Variants in ATP8A2 observed in about 807,000 individuals in gnomAD.
ATP8A2 encodes phospholipid-transporting ATPase IB.
A neutral mutation model predicts 165.6 loss-of-function variants in ATP8A2; 100 were observed. The ratio of observed to expected loss-of-function variants is 0.60; its 90% CI spans 0.51 to 0.71. The LOEUF (loss-of-function observed/expected upper bound fraction) is 0.71, where lower values mean the gene tolerates loss of function less well. ATP8A2 is among the 30% of genes least tolerant of loss of function. ATP8A2 has a pLI of 0.00. For missense variants in ATP8A2, 1,227 were observed against 1,479.5 expected (o/e 0.83, Z 2.80); for synonymous variants, 543 against 548.8 (o/e 0.99, Z 0.15).
chr13:25,996,960 A>T (rs1198523797), intron 35 of ATP8A2, among the ~76,000 whole-genome samples: 1 of 152,218 alleles, frequency 6.6e-6, no homozygotes, highest in East Asian at 1.9e-4. Context: ...CTGGGATTAC[A>T]GGCGTGAGCC....
At chr13:25,985,310 A>C (rs1956256697) in intron 35 of ATP8A2, among the ~76,000 whole-genome samples, 1 of 152,240 alleles carries the variant, frequency 6.6e-6, no homozygotes, top group African/African-American at 2.4e-5. Flanking sequence ...GAAGGCCAAA[A>C]TTAAATAGCC....
chr13:25,710,060 T>G (rs1428404699), intron 25 of ATP8A2, among the ~76,000 whole-genome samples: 1 of 152,194 alleles, frequency 6.6e-6, no homozygotes, highest in Non-Finnish European at 1.5e-5. Context: ...ATTTCTTTGG[T>G]TTAGTTTCAC....
intron 25 of ATP8A2, among the ~76,000 whole-genome samples, chr13:25,766,419 C>T (rs1332330971): frequency 7.2e-5 from 11 of 151,980 alleles, no homozygotes; most frequent in Non-Finnish European, 1.6e-4. Flanking sequence ...TTTCCTCCAT[C>T]ATTAAATAAT....
intron 16 of ATP8A2, among the ~76,000 whole-genome samples, chr13:25,568,396 T>G (rs961188366): frequency 2.0e-5 from 3 of 152,218 alleles, no homozygotes; most frequent in Admixed American, 6.5e-5. Flanking sequence ...CAATTTTGCT[T>G]GCAAAACAAT....
chr13:25,402,291 T>C (rs1420689956), intron 1 of ATP8A2, among the ~76,000 whole-genome samples: 2 of 152,206 alleles, frequency 1.3e-5, no homozygotes. Context: ...CAGGCCATGG[T>C]TGACTGCAAG....
At chr13:25,542,504 T>C (rs928682301) in intron 9 of ATP8A2, among the ~76,000 whole-genome samples, 3 of 152,046 alleles carry the variant, frequency 2.0e-5, no homozygotes, top group South Asian at 2.1e-4. Flanking sequence ...CTATATTCTG[T>C]TATCTTTGTT....
intron 24 of ATP8A2, among the ~76,000 whole-genome samples, chr13:25,673,634 C>A (rs2042311704): frequency 6.6e-6 from 1 of 152,092 alleles, no homozygotes; most frequent in African/African-American, 2.4e-5. Flanking sequence ...TGCTTTTTTC[C>A]TACCCCAGAC....
chr13:25,931,788 T>C (rs1195326762), intron 33 of ATP8A2, among the ~76,000 whole-genome samples: 1 of 152,112 alleles, frequency 6.6e-6, no homozygotes, highest in African/African-American at 2.4e-5. Flanking sequence ...GGCTCACACC[T>C]ATAATCCCAG....
chr13:25,438,854 C>G (rs908712112), intron 1 of ATP8A2, among the ~76,000 whole-genome samples: 4 of 151,876 alleles, frequency 2.6e-5, no homozygotes, highest in African/African-American at 9.7e-5. Flanking sequence ...CTATGTGACA[C>G]GGTGTGTCAT....
intron 24 of ATP8A2, among the ~76,000 whole-genome samples, chr13:25,608,065 A>G (rs1042416210): frequency 1.3e-5 from 2 of 152,224 alleles, no homozygotes; most frequent in Admixed American, 6.5e-5. Context: ...TTGTGTTGCT[A>G]TAAAGGGAAT....
intron 25 of ATP8A2, among the ~76,000 whole-genome samples, chr13:25,764,149 G>A (rs768625738): frequency 3.9e-5 from 6 of 152,084 alleles, no homozygotes; most frequent in Non-Finnish European, 5.9e-5. Flanking sequence ...TAAATATTAT[G>A]TATTTTAGGC....
chr13:25,709,382 A>G (rs2043115512), intron 25 of ATP8A2, among the ~76,000 whole-genome samples: 1 of 152,228 alleles, frequency 6.6e-6, no homozygotes, highest in Non-Finnish European at 1.5e-5. Flanking sequence ...GTCTGTTTTA[A>G]TGGATGGGTG....
At chr13:25,405,772 CTA>C (rs1372625535) in intron 1 of ATP8A2, among the ~76,000 whole-genome samples, 1 of 152,194 alleles carries the variant, frequency 6.6e-6, no homozygotes, top group African/African-American at 2.4e-5. Context: ...CACTATTGTG[CTA>C]TGTTTTTAGG....
chr13:25,785,261 A>T (rs139413782), intron 27 of ATP8A2, among the ~76,000 whole-genome samples: 1 of 151,776 alleles, frequency 6.6e-6, no homozygotes, highest in Middle Eastern at 3.4e-3. Context: ...TTAACCGGAC[A>T]TGGGGGCACA....
chr13:25,964,832 T>C (rs1282180134), intron 34 of ATP8A2, among the ~76,000 whole-genome samples: 2 of 152,196 alleles, frequency 1.3e-5, no homozygotes, highest in African/African-American at 4.8e-5. Flanking sequence ...TGTTTTATTT[T>C]GTTCTGAACT....
chr13:25,865,144 G>A (rs1256698072), intron 33 of ATP8A2, among the ~76,000 whole-genome samples: 1 of 152,178 alleles, frequency 6.6e-6, no homozygotes, highest in Non-Finnish European at 1.5e-5. Context: ...GGGTTCAGGT[G>A]TAGTCAGTAA....
At chr13:25,650,490 C>T (rs930479797) in intron 24 of ATP8A2, among the ~76,000 whole-genome samples, 1 of 152,124 alleles carries the variant, frequency 6.6e-6, no homozygotes, top group Non-Finnish European at 1.5e-5. Flanking sequence ...TTTGGATATA[C>T]CCTTCCAGTT....
chr13:25,615,557 G>A (rs759879348), intron 24 of ATP8A2, among the ~76,000 whole-genome samples: 14 of 152,046 alleles, frequency 9.2e-5, no homozygotes, highest in Non-Finnish European at 1.5e-4. Context: ...CCCTTCTTCC[G>A]GGTTCTGTCC....
In ATP8A2 at chr13:25,951,757, A is replaced by G. The variant is rs191258748; in HGVS notation, c.3184-9818A>G. 3.9e-5 allele frequency among the ~76,000 whole-genome samples: 6 copies of G among 152,320 alleles called. 1 individual carries two copies. The highest frequency in any genetic ancestry group is 3.3e-4 in the Admixed American group (5 of 15,304). On this transcript the variant is annotated intron_variant, in intron 33 of 36. Transcript: ENST00000381655. Reference sequence around the variant, plus strand: ...ACCACCACTAATTTTTGTGGTTTCAAAATAGCAAGGTTCATTGATAAAACT... The same window carrying G: ...ACCACCACTAATTTTTGTGGTTTCAGAATAGCAAGGTTCATTGATAAAACT...
Sources: gnomAD v4.1 joint callset for allele counts (sites outside exome capture counted in the v4.1 genomes callset) on GRCh38, gnomAD v4.1.1 for gene constraint, MANE v1.5 for transcripts, NCBI Gene and HGNC (gene_info 2026-07-23, HGNC 2026-07-21) for gene names.